Variants in CLSTN2 observed in about 807,000 individuals in gnomAD.
The protein encoded by CLSTN2 is calsyntenin 2, also known as calsyntenin-2.
In CLSTN2, 48 loss-of-function variants were observed where a neutral mutation model predicts 101.2. That is an observed-to-expected ratio of 0.47 (90% CI 0.38 to 0.60). The LOEUF (loss-of-function observed/expected upper bound fraction) is 0.60, where lower values mean the gene tolerates loss of function less well. Among genes scored for constraint, CLSTN2 ranks in the 20% least tolerant of loss-of-function variants. The probability of loss-of-function intolerance (pLI) is 0.00; values close to 1 mark genes in which losing one functional copy is unlikely to be tolerated. For missense variants in CLSTN2, 1,160 were observed against 1,238.2 expected (o/e 0.94, Z 0.95); for synonymous variants, 481 against 463.6 (o/e 1.04, Z -0.48).
At chr3:140,133,094 G>A (rs1030902103) in intron 1 of CLSTN2, among the ~76,000 whole-genome samples, 1 of 152,186 alleles carries the variant, frequency 6.6e-6, no homozygotes, top group Non-Finnish European at 1.5e-5. Context: ...CTTCTGCAGA[G>A]GCCTCAGAAA....
intron 2 of CLSTN2, among the ~76,000 whole-genome samples, chr3:140,333,602 T>A (rs2087409904): frequency 1.3e-5 from 2 of 152,162 alleles, no homozygotes; most frequent in African/African-American, 4.8e-5. Context: ...TGCTACTACC[T>A]TGGTTTCCCG....
chr3:140,176,116 A>G, intron 2 of CLSTN2, 43 bp downstream of exon 2: 1 of 1,608,116 alleles, frequency 6.2e-7, no homozygotes, highest in Non-Finnish European at 8.5e-7. Flanking sequence ...CTCACTTTGA[A>G]GATGTGCTGT....
chr3:140,082,681 T>C (rs368881702), intron 1 of CLSTN2, among the ~76,000 whole-genome samples: 41 of 152,288 alleles, frequency 2.7e-4, no homozygotes, highest in Admixed American at 9.8e-4. Context: ...CACCATCCCC[T>C]TTCTGGAGTT....
At chr3:140,266,626 GAA>G (rs55727438) in intron 2 of CLSTN2, among the ~76,000 whole-genome samples, 5,182 of 152,220 alleles carry the variant, frequency 0.034, 185 homozygotes, top group African/African-American at 0.085. Context: ...CTGAATAAAT[GAA>G]AAAATGTGCC....
chr3:140,135,117 C>CACACACACACAT (rs1488268767), intron 1 of CLSTN2, among the ~76,000 whole-genome samples: 5 of 58,102 alleles, frequency 8.6e-5, no homozygotes, highest in African/African-American at 2.6e-4. Flanking sequence ...CACACACACA[C>CACACACACACAT]ATATATATAT....
chr3:140,336,811 G>T (rs2087446054), intron 2 of CLSTN2, among the ~76,000 whole-genome samples: 1 of 152,306 alleles, frequency 6.6e-6, no homozygotes, highest in East Asian at 1.9e-4. Flanking sequence ...GCAGAGAACT[G>T]GTTGCCAAAG....
At chr3:140,064,751 A>T (rs993513293) in intron 1 of CLSTN2, among the ~76,000 whole-genome samples, 1 of 152,236 alleles carries the variant, frequency 6.6e-6, no homozygotes, top group Non-Finnish European at 1.5e-5. Context: ...GAATAACATT[A>T]GAATTTATAA....
intron 8 of CLSTN2, among the ~76,000 whole-genome samples, chr3:140,504,677 A>G (rs546925635): frequency 1.2e-4 from 18 of 152,230 alleles, no homozygotes; most frequent in Non-Finnish European, 1.9e-4. Context: ...CCACAGTCAC[A>G]CCAAAGCTTG....
intron 2 of CLSTN2, among the ~76,000 whole-genome samples, chr3:140,400,574 C>A (rs993825094): frequency 1.3e-5 from 2 of 152,096 alleles, no homozygotes; most frequent in Middle Eastern, 3.2e-3. Flanking sequence ...TGGCACACAC[C>A]TGTAGCCCCA....
At chr3:140,092,803 TG>T (rs2008802913) in intron 1 of CLSTN2, among the ~76,000 whole-genome samples, 1 of 152,176 alleles carries the variant, frequency 6.6e-6, no homozygotes, top group Non-Finnish European at 1.5e-5. Flanking sequence ...GCAATCCTCC[TG>T]CAAGCTCCTC....
At chr3:140,108,575 A>T (rs1259747525) in intron 1 of CLSTN2, among the ~76,000 whole-genome samples, 2 of 152,198 alleles carry the variant, frequency 1.3e-5, no homozygotes, top group African/African-American at 2.4e-5. Context: ...TATTAAAAAG[A>T]ACCTTGGTGG....
intron 9 of CLSTN2, among the ~76,000 whole-genome samples, chr3:140,540,626 A>C (rs1935457917): frequency 6.6e-6 from 1 of 152,198 alleles, no homozygotes; most frequent in South Asian, 2.1e-4. Context: ...AGCAGCATCC[A>C]ACCCCAGCAA....
intron 2 of CLSTN2, among the ~76,000 whole-genome samples, chr3:140,264,073 T>A (rs1359897888): frequency 6.6e-6 from 1 of 152,114 alleles, no homozygotes; most frequent in Non-Finnish European, 1.5e-5. Context: ...TACCCAACAA[T>A]GTGTTTGTTC....
intron 9 of CLSTN2, among the ~76,000 whole-genome samples, chr3:140,546,008 G>A (rs930448361): frequency 6.6e-6 from 1 of 152,184 alleles, no homozygotes; most frequent in African/African-American, 2.4e-5. Flanking sequence ...GCAAATGCGA[G>A]CTTTGAGGTC....
At chr3:140,230,287 A>G (rs930733101) in intron 2 of CLSTN2, among the ~76,000 whole-genome samples, 1 of 152,188 alleles carries the variant, frequency 6.6e-6, no homozygotes, top group Non-Finnish European at 1.5e-5. Flanking sequence ...TGTGTGGTCA[A>G]ATGGATAGCA....
chr3:139,991,523 C>T (rs1392876643), intron 1 of CLSTN2, among the ~76,000 whole-genome samples: 1 of 152,150 alleles, frequency 6.6e-6, no homozygotes, highest in East Asian at 1.9e-4. Flanking sequence ...GGGAGATTTT[C>T]TTTGTCCCAA....
At chr3:140,305,405 T>C (rs894319763) in intron 2 of CLSTN2, among the ~76,000 whole-genome samples, 2 of 152,168 alleles carry the variant, frequency 1.3e-5, no homozygotes. Context: ...GCTGTGTGTA[T>C]AGTGTGGTGG....
At chr3:140,542,659 G>A (rs1188199438) in intron 9 of CLSTN2, among the ~76,000 whole-genome samples, 1 of 152,026 alleles carries the variant, frequency 6.6e-6, no homozygotes, top group Non-Finnish European at 1.5e-5. Flanking sequence ...TCAATTTCCT[G>A]GAGCCTTGTC....
At chr3:140,388,753 A>G (rs998495939) in intron 2 of CLSTN2, among the ~76,000 whole-genome samples, 8 of 152,248 alleles carry the variant, frequency 5.3e-5, no homozygotes, top group Middle Eastern at 6.3e-3. Context: ...GCACATATTA[A>G]GTATTCAAGG....
Sources: gnomAD v4.1 joint callset for allele counts (sites outside exome capture counted in the v4.1 genomes callset) on GRCh38, gnomAD v4.1.1 for gene constraint, MANE v1.5 for transcripts, NCBI Gene and HGNC (gene_info 2026-07-23, HGNC 2026-07-21) for gene names.